Variants in SMARCC1 observed in about 807,000 individuals in gnomAD.
The protein encoded by SMARCC1 is SWI/SNF related BAF chromatin remodeling complex subunit C1, also known as SWI/SNF complex subunit SMARCC1.
SMARCC1 carries 43 observed loss-of-function variants against 147.4 expected under a neutral mutation model. That is an observed-to-expected ratio of 0.29 (90% confidence interval 0.23 to 0.38). SMARCC1 has a LOEUF of 0.38. Among genes scored for constraint, SMARCC1 ranks in the 10% least tolerant of loss-of-function variants. The probability of loss-of-function intolerance (pLI) is 1.00; values close to 1 mark genes in which losing one functional copy is unlikely to be tolerated. For synonymous variants in SMARCC1, 495 were observed against 484.4 expected, an observed-to-expected ratio of 1.02 and a Z score of -0.29; for missense variants, 1,119 against 1,381.1, an observed-to-expected ratio of 0.81 and a Z score of 3.01.
intron 20 of SMARCC1, among the ~76,000 whole-genome samples, chr3:47,661,945 A>G (rs1368505607): frequency 6.6e-6 from 1 of 152,000 alleles, no homozygotes; most frequent in Non-Finnish European, 1.5e-5. Context: ...TGTCCCTCCA[A>G]TTCCTAAAGC....
In SMARCC1 at chr3:47,701,261, T is replaced by C; in HGVS notation, c.1165+17A>G. On this transcript the variant is annotated intron_variant, in intron 11 of 27. Coordinates refer to ENST00000254480, the MANE Select transcript of SMARCC1 (RefSeq NM_003074.4). ...GACTAAATTAAATCTAACACTCTCA[T>C]GCAGAAGAATACAAACCATTTTTGG... 2 of 1,609,096 alleles carry C rather than the reference T, an allele frequency of 1.2e-6. No homozygotes were observed. Among genetic ancestry groups the C allele is most frequent in the Non-Finnish European group, 1.7e-6 (2 of 1,176,258 alleles).
chr3:47,598,266 G>A (rs2032323705), intron 26 of SMARCC1, among the ~76,000 whole-genome samples: 1 of 152,144 alleles, frequency 6.6e-6, no homozygotes, highest in African/African-American at 2.4e-5. Flanking sequence ...CTGGAAACAG[G>A]AGGCCTACTT....
chr3:47,698,524 A>G lies in SMARCC1; in HGVS notation c.1165+2754T>C, dbSNP rs890664689. ...AATACATGATTTTTTAAAAAGCAAT[A>G]GAATACACGGCCAAAAATTAAGGAA... On this transcript the variant is annotated intron_variant, in intron 11 of 27. Transcript: ENST00000254480. Among the ~76,000 whole-genome samples the G allele has an allele frequency of 7.2e-5, 11 of 152,160 alleles. No homozygotes were observed. The East Asian group carries it at 1.7e-3, about 24-fold the overall frequency.
At position 47,736,058 on chromosome 3, in the gene SMARCC1, C is replaced by A. The variant is rs755501250; in HGVS notation, c.552G>T (p.Leu184Phe). ...CCTGATGTCGTTTGATGATATCTTT[C>A]AATTTGTTAGCCAACTTCAGATCAA... is the stretch of plus-strand genomic sequence containing the variant. ...PDIDLKLANK[L>F]KDIIKRHQGT... is the part of the protein sequence containing the mutation. The change falls in exon 5 of 28, where the codon TTG becomes TTT. Residue 184 changes from leucine to phenylalanine, a missense_variant. Around this residue, in one of 6 missense-constraint regions of SMARCC1, gnomAD observed 542 missense variants for 611.8 expected, o/e 0.89. Coordinates refer to ENST00000254480, the MANE Select transcript of SMARCC1 (RefSeq NM_003074.4). 3 of 1,591,360 alleles carry A rather than the reference C, an allele frequency of 1.9e-6. No homozygotes were observed. The highest frequency in any genetic ancestry group is 3.5e-5 in the Admixed American group (2 of 57,950).
At chr3:47,725,624 G>A (rs2034289158) in intron 6 of SMARCC1, among the ~76,000 whole-genome samples, 1 of 151,842 alleles carries the variant, frequency 6.6e-6, no homozygotes, top group African/African-American at 2.4e-5. Context: ...CTATTTTTTT[G>A]TGTTTTTAGT....
intron 2 of SMARCC1, among the ~76,000 whole-genome samples, chr3:47,760,949 A>G (rs569092604): frequency 6.6e-5 from 10 of 152,108 alleles, no homozygotes; most frequent in Non-Finnish European, 1.3e-4. Flanking sequence ...CCTAGCCAAC[A>G]TGGTGAAACC....
At chr3:47,680,610 G>C (rs951027705) in intron 14 of SMARCC1, 102 bp from the exon 15 acceptor site, 7 of 623,084 alleles carry the variant, frequency 1.1e-5, no homozygotes, top group Middle Eastern at 5.1e-4. Context: ...TGCAGTGGCG[G>C]GATCTCGGCT....
intron 12 of SMARCC1, among the ~76,000 whole-genome samples, chr3:47,689,807 G>C (rs1005836529): frequency 6.6e-6 from 1 of 152,092 alleles, no homozygotes; most frequent in Non-Finnish European, 1.5e-5. Flanking sequence ...TAAAAAAACG[G>C]GTGATAACCA....
intron 24 of SMARCC1, 93 bp from the exon 25 acceptor site, chr3:47,622,434 A>G (rs2032747316): frequency 8.4e-7 from 1 of 1,185,926 alleles, no homozygotes; most frequent in South Asian, 1.3e-5. Flanking sequence ...GAGATTATAT[A>G]ATTTACAATG....
intron 2 of SMARCC1, among the ~76,000 whole-genome samples, chr3:47,760,309 CA>C (rs2106860727): frequency 6.6e-6 from 1 of 151,950 alleles, no homozygotes; most frequent in Non-Finnish European, 1.5e-5. Context: ...AAGGCTGTCT[CA>C]AAAAAATTAA....
intron 11 of SMARCC1, among the ~76,000 whole-genome samples, chr3:47,698,397 A>C (rs1163122535): frequency 6.6e-6 from 1 of 152,100 alleles, no homozygotes; most frequent in East Asian, 1.9e-4. Context: ...AAAAGCAAAA[A>C]TGTCTGCTTT....
intron 6 of SMARCC1, 71 bp from the exon 7 acceptor site, chr3:47,720,806 ATT>A: frequency 8.7e-7 from 1 of 1,149,676 alleles, no homozygotes; most frequent in Non-Finnish European, 1.3e-6. Context: ...TTTAGCCTTA[ATT>A]TTTACTAAGA....
chr3:47,592,814 GT>G (rs2032206407), intron 26 of SMARCC1, among the ~76,000 whole-genome samples: 1 of 130,946 alleles, frequency 7.6e-6, no homozygotes, highest in Non-Finnish European at 1.6e-5. Flanking sequence ...TCCCAGGCTG[GT>G]AGTCTTGTTT....
intron 8 of SMARCC1, among the ~76,000 whole-genome samples, chr3:47,714,139 C>T (rs1036056258): frequency 7.2e-5 from 11 of 152,094 alleles, no homozygotes; most frequent in South Asian, 2.1e-4. Flanking sequence ...TGAGGCAGGC[C>T]GATCACCCGA....
At chr3:47,735,639 A>T (rs543869344) in intron 5 of SMARCC1, among the ~76,000 whole-genome samples, 21 of 152,256 alleles carry the variant, frequency 1.4e-4, no homozygotes, top group African/African-American at 4.3e-4. Context: ...CTGTAGTCCC[A>T]GCAATTTCGG....
intron 4 of SMARCC1, among the ~76,000 whole-genome samples, chr3:47,737,600 G>C (rs1459343378): frequency 6.6e-6 from 1 of 151,732 alleles, no homozygotes; most frequent in African/African-American, 2.4e-5. Context: ...TTGTTCTTTT[G>C]GCAATCCAAT....
intron 4 of SMARCC1, among the ~76,000 whole-genome samples, chr3:47,736,492 G>A (rs572095624): frequency 1.3e-5 from 2 of 149,322 alleles, no homozygotes; most frequent in African/African-American, 4.9e-5. Flanking sequence ...TGGCTAACAC[G>A]GTGAAACCCT....
At chr3:47,622,447 A>G in intron 24 of SMARCC1, 106 bp from the exon 25 acceptor site, 1 of 1,027,650 alleles carries the variant, frequency 9.7e-7, no homozygotes, top group Non-Finnish European at 1.5e-6. Flanking sequence ...TTACAATGGT[A>G]CCCTATATGT....
chr3:47,626,159 T>A (rs1448994808), intron 24 of SMARCC1, among the ~76,000 whole-genome samples: 1 of 151,848 alleles, frequency 6.6e-6, no homozygotes, highest in Non-Finnish European at 1.5e-5. Flanking sequence ...CGTCCTTTTT[T>A]TTTTTGAGAC....
Sources: gnomAD v4.1 joint callset for allele counts (sites outside exome capture counted in the v4.1 genomes callset) on GRCh38, gnomAD v4.1.1 for gene constraint, gnomAD v4.1.1 regional missense constraint, MANE v1.5 for transcripts, NCBI Gene and HGNC (gene_info 2026-07-23, HGNC 2026-07-21) for gene names.